STARD3NL: variants seen among roughly 807,000 people sequenced by gnomAD.
STARD3NL encodes the protein STARD3 N-terminal like.
In STARD3NL, 17 loss-of-function variants were observed where a neutral mutation model predicts 30.9. The ratio of observed to expected loss-of-function variants is 0.55; its 90% CI spans 0.38 to 0.82. The LOEUF (loss-of-function observed/expected upper bound fraction) is 0.82, where lower values mean the gene tolerates loss of function less well. Ranked by LOEUF, STARD3NL falls within the 40% of genes least tolerant of loss-of-function variation. The pLI, the probability that STARD3NL is intolerant of heterozygous loss-of-function variation, is 0.00. For synonymous variants in STARD3NL, 112 were observed against 100.5 expected, an observed-to-expected ratio of 1.11 and a Z score of -0.69; for missense variants, 234 against 277.6, an observed-to-expected ratio of 0.84 and a Z score of 1.12.
intron 1 of STARD3NL, among the ~76,000 whole-genome samples, chr7:38,199,500 A>C (rs1324205308): frequency 6.6e-6 from 1 of 152,176 alleles, no homozygotes; most frequent in Non-Finnish European, 1.5e-5. Flanking sequence ...GCCTTTAAGG[A>C]ATATACTAGT....
At chr7:38,204,766 A>G (rs1289154031) in intron 1 of STARD3NL, among the ~76,000 whole-genome samples, 2 of 152,266 alleles carry the variant, frequency 1.3e-5, no homozygotes, top group African/African-American at 4.8e-5. Flanking sequence ...AAAAGAGAGA[A>G]GAATCAAATA....
rs1160393055 is a variant in STARD3NL at position 38,207,624 on chromosome 7, T to C, written c.120T>C (p.Tyr40=). The C allele has an allele frequency of 6.2e-7, 1 of 1,614,084 alleles. No individual in the cohort carries two copies. Among genetic ancestry groups the C allele is most frequent in the African/African-American group, 1.3e-5 (1 of 75,052 alleles). The stretch of plus-strand genomic sequence containing the variant: ...AACTCATGGCCAGGATTGAGTCCTA[T>C]GAAGGAAGGGAAAAGAAAGGCATAT... ...PTQLMARIES[Y]EGREKKGISD... is the part of the protein sequence containing the mutation. The change falls in exon 2 of 9, where the codon TAT becomes TAC. Residue 40 remains tyrosine (Y), a synonymous_variant. Coordinates refer to ENST00000009041, the MANE Select transcript of STARD3NL (RefSeq NM_032016.4).
chr7:38,228,850 T>C lies in STARD3NL; in HGVS notation c.701T>C (p.Leu234Pro), dbSNP rs776270393. The C allele has an allele frequency of 1.9e-6, 3 of 1,611,952 alleles. No homozygotes were observed. The Admixed American group carries it at 5.0e-5, about 27-fold the overall frequency. The stretch of plus-strand genomic sequence containing the variant: ...GACAGTGAGAAACCACTTTTAGAAC[T>C]ATGAGTACTACTTTTGTTAAAGTAA... ...KQDSEKPLLE[L>P] is the part of the protein sequence containing the mutation. Residue 234 changes from leucine (L) to proline (P), a missense_variant, in exon 8 of 9, where the codon CTA becomes CCA. Coordinates refer to ENST00000009041, the MANE Select transcript of STARD3NL (RefSeq NM_032016.4).
At chr7:38,214,709 A>G (rs908686012) in intron 3 of STARD3NL, among the ~76,000 whole-genome samples, 1 of 152,250 alleles carries the variant, frequency 6.6e-6, no homozygotes, top group African/African-American at 2.4e-5. Context: ...ATTCTTTCAA[A>G]TGGCTCAAAT....
At chr7:38,225,163 A>G (rs1314828425) in intron 7 of STARD3NL, among the ~76,000 whole-genome samples, 1 of 152,174 alleles carries the variant, frequency 6.6e-6, no homozygotes, top group East Asian at 1.9e-4. Context: ...AGAAAAATCT[A>G]TCTCAAGTCT....
At chr7:38,218,440 A>G (rs910865250) in intron 6 of STARD3NL, among the ~76,000 whole-genome samples, 3 of 152,186 alleles carry the variant, frequency 2.0e-5, no homozygotes, top group African/African-American at 7.2e-5. Flanking sequence ...GTGAAAGTGT[A>G]TCTTGGAGAA....
At chr7:38,203,887 A>G (rs1436456958) in intron 1 of STARD3NL, among the ~76,000 whole-genome samples, 1 of 152,240 alleles carries the variant, frequency 6.6e-6, no homozygotes, top group African/African-American at 2.4e-5. Context: ...AAAGAAGGCC[A>G]TTACATAATG....
chr7:38,183,451 A>G (rs1214792925), intron 1 of STARD3NL, among the ~76,000 whole-genome samples: 3 of 152,170 alleles, frequency 2.0e-5, no homozygotes, highest in Non-Finnish European at 2.9e-5. Flanking sequence ...CATTTAGCAT[A>G]GTGTTTTACT....
intron 7 of STARD3NL, among the ~76,000 whole-genome samples, chr7:38,223,555 C>T (rs959074272): frequency 6.6e-6 from 1 of 152,172 alleles, no homozygotes; most frequent in Non-Finnish European, 1.5e-5. Context: ...TAAGTTGCCA[C>T]CTCCCCAGAG....
chr7:38,214,621 C>A (rs1206640210), intron 3 of STARD3NL, among the ~76,000 whole-genome samples, 187 bp downstream of exon 3: 3 of 152,028 alleles, frequency 2.0e-5, no homozygotes, highest in Non-Finnish European at 4.4e-5. Context: ...GTCATCATCT[C>A]AAGGAAATAA....
intron 2 of STARD3NL, among the ~76,000 whole-genome samples, chr7:38,210,669 G>T (rs1430120988): frequency 6.6e-6 from 1 of 152,132 alleles, no homozygotes; most frequent in Non-Finnish European, 1.5e-5. Flanking sequence ...GTTCCCTGAG[G>T]ACTCTTTTCC....
At chr7:38,203,369 A>C (rs1299282501) in intron 1 of STARD3NL, among the ~76,000 whole-genome samples, 1 of 152,218 alleles carries the variant, frequency 6.6e-6, no homozygotes, top group Non-Finnish European at 1.5e-5. Flanking sequence ...TTTCATATCT[A>C]GCCAAACTAA....
Position 38,207,657 on chromosome 7 carries a change from C to T in STARD3NL, c.153C>T (p.Val51=), listed in dbSNP as rs548427552. ...EGREKKGISD[V]RRTFCLFVTF... is the part of the protein sequence containing the mutation. ...GGGAAAAGAAAGGCATATCTGATGT[C>T]AGGAGGACTTTCTGTTTGTTTGTCA... is the stretch of plus-strand genomic sequence containing the variant. Residue 51 remains valine (V), a synonymous_variant, in exon 2 of 9, where the codon GTC becomes GTT. Coordinates refer to ENST00000009041, the MANE Select transcript of STARD3NL (RefSeq NM_032016.4). 29 of 1,614,116 alleles carry T rather than the reference C, an allele frequency of 1.8e-5. No individual in the cohort carries two copies. The Admixed American group carries it at 4.2e-4, about 23-fold the overall frequency.
rs80256907 is a variant in STARD3NL at position 38,223,242 on chromosome 7, G to A, written c.649+3582G>A. 3.7e-4 allele frequency among the ~76,000 whole-genome samples: 56 copies of A among 152,238 alleles called. 1 individual carries two copies. The East Asian group carries it at 0.01, about 28-fold the overall frequency. ...AATTTTAGTACCACAGGGATAGCAC[G>A]GTTTATTAGATATACTTGTAAAGGA... is the stretch of plus-strand genomic sequence containing the variant. On this transcript the variant is annotated intron_variant, in intron 7 of 8. Transcript: ENST00000009041.
At chr7:38,205,504 T>G (rs1785409793) in intron 1 of STARD3NL, among the ~76,000 whole-genome samples, 2 of 152,216 alleles carry the variant, frequency 1.3e-5, no homozygotes, top group Admixed American at 1.3e-4. Context: ...AACATTTATT[T>G]TAGTGACTAT....
intron 1 of STARD3NL, among the ~76,000 whole-genome samples, chr7:38,180,142 T>C (rs1053494625): frequency 7.9e-5 from 12 of 152,240 alleles, no homozygotes; most frequent in African/African-American, 2.7e-4. Context: ...TCATAAACTC[T>C]AGCCAACTTT....
At chr7:38,229,575 G>A (rs1303564118) in intron 8 of STARD3NL, among the ~76,000 whole-genome samples, 1 of 152,240 alleles carries the variant, frequency 6.6e-6, no homozygotes, top group Non-Finnish European at 1.5e-5. Context: ...AAAGCTGCCA[G>A]ATTGTGAGTC....
At chr7:38,183,343 G>A (rs893017133) in intron 1 of STARD3NL, among the ~76,000 whole-genome samples, 5 of 152,220 alleles carry the variant, frequency 3.3e-5, no homozygotes, top group African/African-American at 4.8e-5. Context: ...ACTGTTCTGT[G>A]CATTGTGGGA....
chr7:38,214,422 T>G lies in STARD3NL; in HGVS notation c.291T>G (p.Tyr97Ter). 1 of 1,589,706 alleles carries G rather than the reference T, an allele frequency of 6.3e-7. No individual in the cohort carries two copies. The highest frequency in any genetic ancestry group is 8.6e-7 in the Non-Finnish European group (1 of 1,160,646). ...EVMQYDYYSS[Y>*]FDIFLLAVFR... Reference sequence around the variant, plus strand: ...TGCAGTATGACTACTATTCTTCATATTTTGATATATTTGTAAGTATTTTTT... The same window carrying G: ...TGCAGTATGACTACTATTCTTCATAGTTTGATATATTTGTAAGTATTTTTT... Residue 97 changes from tyrosine to a stop codon, truncating the protein, a stop_gained, in exon 3 of 9, where the codon TAT (tyrosine) becomes TAG (stop). Transcript: ENST00000009041. LOFTEE classifies it high-confidence loss of function.
Sources: gnomAD v4.1 joint callset for allele counts (sites outside exome capture counted in the v4.1 genomes callset) on GRCh38, gnomAD v4.1.1 for gene constraint, MANE v1.5 for transcripts, NCBI Gene and HGNC (gene_info 2026-07-23, HGNC 2026-07-21) for gene names.